ZSWIM5: variants seen among roughly 807,000 people sequenced by gnomAD.
ZSWIM5 encodes zinc finger SWIM domain-containing protein 5.
ZSWIM5 carries 55 observed loss-of-function variants against 119.6 expected under a neutral mutation model. That is an observed-to-expected ratio of 0.46 (90% CI 0.37 to 0.58). The LOEUF is 0.58. Ranked by LOEUF, ZSWIM5 falls within the 20% of genes least tolerant of loss-of-function variation. ZSWIM5 has a pLI of 0.00. For synonymous variants in ZSWIM5, 537 were observed against 606.9 expected, an observed-to-expected ratio of 0.88 and a Z score of 1.69; for missense variants, 1,193 against 1,512.8, an observed-to-expected ratio of 0.79 and a Z score of 3.51.
chr1:45,125,186 T>A (rs1471190653), intron 1 of ZSWIM5, among the ~76,000 whole-genome samples: 1 of 152,178 alleles, frequency 6.6e-6, no homozygotes, highest in Non-Finnish European at 1.5e-5. Flanking sequence ...CATTTCCAGG[T>A]AATGAGGCAA....
At chr1:45,121,544 C>T (rs1453335300) in intron 1 of ZSWIM5, among the ~76,000 whole-genome samples, 2 of 152,058 alleles carry the variant, frequency 1.3e-5, no homozygotes, top group South Asian at 2.1e-4. Flanking sequence ...TTCTTCTTCA[C>T]CCCAAACCTC....
At chr1:45,076,729 A>C (rs992253907) in intron 2 of ZSWIM5, among the ~76,000 whole-genome samples, 33 of 152,022 alleles carry the variant, frequency 2.2e-4, no homozygotes, top group African/African-American at 7.7e-4. Context: ...TCTAAGCCCA[A>C]TAACTCTTAG....
chr1:45,076,529 C>T (rs1226864341), intron 2 of ZSWIM5, among the ~76,000 whole-genome samples: 3 of 152,102 alleles, frequency 2.0e-5, no homozygotes, highest in Non-Finnish European at 4.4e-5. Flanking sequence ...AGGATCCTTT[C>T]TTTATCCTTG....
At chr1:45,191,298 G>A (rs933014432) in intron 1 of ZSWIM5, among the ~76,000 whole-genome samples, 1 of 152,130 alleles carries the variant, frequency 6.6e-6, no homozygotes, top group African/African-American at 2.4e-5. Context: ...AGAAAAGTAT[G>A]ACCTCAGATG....
chr1:45,092,705 T>C (rs1645375778), intron 1 of ZSWIM5, among the ~76,000 whole-genome samples: 1 of 152,236 alleles, frequency 6.6e-6, no homozygotes, highest in Non-Finnish European at 1.5e-5. Flanking sequence ...TAGATGTGGT[T>C]AATATTTACA....
chr1:45,177,622 T>C (rs1044289429), intron 1 of ZSWIM5, among the ~76,000 whole-genome samples: 4 of 152,064 alleles, frequency 2.6e-5, no homozygotes, highest in African/African-American at 7.2e-5. Context: ...TTCGGGGAGA[T>C]TGAGCAATCA....
intron 1 of ZSWIM5, among the ~76,000 whole-genome samples, chr1:45,202,016 G>C (rs1333043611): frequency 6.6e-6 from 1 of 151,934 alleles, no homozygotes; most frequent in African/African-American, 2.4e-5. Flanking sequence ...AGGGTGGAGG[G>C]AGAGAACTCA....
chr1:45,187,566 A>G (rs1223877875), intron 1 of ZSWIM5, among the ~76,000 whole-genome samples: 1 of 152,166 alleles, frequency 6.6e-6, no homozygotes, highest in East Asian at 1.9e-4. Context: ...AAAGAAAGAA[A>G]GAAAGAAAAA....
At chr1:45,185,110 T>C (rs941438521) in intron 1 of ZSWIM5, among the ~76,000 whole-genome samples, 1 of 152,100 alleles carries the variant, frequency 6.6e-6, no homozygotes, top group African/African-American at 2.4e-5. Flanking sequence ...TCTACAACTA[T>C]CTGATCTTTG....
intron 2 of ZSWIM5, among the ~76,000 whole-genome samples, chr1:45,081,601 G>C (rs1439073537): frequency 1.3e-5 from 2 of 152,250 alleles, no homozygotes; most frequent in East Asian, 3.8e-4. Flanking sequence ...ACGGAGTCTG[G>C]TTCACTCAGT....
chr1:45,206,271 C>A lies in ZSWIM5; in HGVS notation c.80G>T (p.Ser27Ile), dbSNP rs138625094. 6.4e-4 allele frequency: 1,006 copies of A among 1,581,648 alleles called. 1 individual carries two copies. Among genetic ancestry groups the A allele is most frequent in the Non-Finnish European group, 6.3e-4 (736 of 1,165,290 alleles). ...SPAKRQCSWP[S>I]PQAHHPRGSP... ...ACCGCGAGGGTGATGAGCCTGCGGGCTGGGCCACGAACACTGCCGCTTAGC... is the reference window on the plus strand; with the variant it reads ...ACCGCGAGGGTGATGAGCCTGCGGGATGGGCCACGAACACTGCCGCTTAGC... Residue 27 changes from serine (S) to isoleucine (I), a missense_variant, in exon 1 of 14, where the codon AGC becomes ATC. This residue lies in a region of ZSWIM5 where 232 missense variants were observed against 222.9 expected (regional missense o/e 1.04). Transcript: ENST00000359600.
At chr1:45,163,589 C>T (rs997523974) in intron 1 of ZSWIM5, among the ~76,000 whole-genome samples, 5 of 152,076 alleles carry the variant, frequency 3.3e-5, no homozygotes, top group East Asian at 3.9e-4. Context: ...AAAGATTGGA[C>T]GAATTGCTAA....
rs202030614 is a variant in ZSWIM5 at position 45,140,468 on chromosome 1, GA to G, written c.596-52232del. Among the ~76,000 whole-genome samples, 200 of 152,114 alleles carry G rather than the reference GA, an allele frequency of 1.3e-3. 4 individuals are homozygous for G. The East Asian group carries it at 0.026, about 20-fold the overall frequency. ...ATATGCCAACAAAGGAGATAAAATG[GA>G]ATCACAAAAGATAATAAAAAAGGAG... On this transcript the variant is annotated intron_variant, in intron 1 of 13. Coordinates refer to ENST00000359600, the MANE Select transcript of ZSWIM5 (RefSeq NM_020883.2).
intron 1 of ZSWIM5, among the ~76,000 whole-genome samples, chr1:45,102,929 C>T (rs1006527835): frequency 2.2e-4 from 33 of 152,052 alleles, no homozygotes; most frequent in Admixed American, 7.9e-4. Context: ...CTGGCATGAT[C>T]ACGGCTCACT....
chr1:45,157,182 T>C (rs779829471), intron 1 of ZSWIM5, among the ~76,000 whole-genome samples: 3 of 152,102 alleles, frequency 2.0e-5, no homozygotes, highest in Non-Finnish European at 4.4e-5. Flanking sequence ...CATATTATTA[T>C]GGTTATGATT....
At chr1:45,124,727 C>T (rs1645610350) in intron 1 of ZSWIM5, among the ~76,000 whole-genome samples, 1 of 151,970 alleles carries the variant, frequency 6.6e-6, no homozygotes, top group Non-Finnish European at 1.5e-5. Context: ...GAGCTCACTT[C>T]AAATATAACA....
At chr1:45,106,093 C>T (rs541383733) in intron 1 of ZSWIM5, among the ~76,000 whole-genome samples, 148 of 141,362 alleles carry the variant, frequency 1.0e-3, no homozygotes, top group African/African-American at 3.6e-3. Context: ...ACGGCCGCCC[C>T]GTCTGGGAGG....
In ZSWIM5 at chr1:45,205,998, C is replaced by G. The variant is rs1369085269; in HGVS notation, c.353G>C (p.Arg118Pro). 3.3e-6 allele frequency: 5 copies of G among 1,534,320 alleles called. No individual in the cohort carries two copies. The highest frequency in any genetic ancestry group is 3.5e-6 in the Non-Finnish European group (4 of 1,141,366). ...EICMYSSFQY[R>P]GGPGAGAAGG... is the part of the protein sequence containing the mutation. ...AGCAGCGCCGGCGCCGGGGCCGCCC[C>G]GGTACTGGAAGCTGGAGTACATGCA... Residue 118 changes from arginine (R) to proline (P), a missense_variant, in exon 1 of 14, where the codon CGG (arginine) becomes CCG (proline). By Grantham distance (103) the Arg-to-Pro change is moderately radical. Coordinates refer to ENST00000359600, the MANE Select transcript of ZSWIM5 (RefSeq NM_020883.2).
chr1:45,143,150 C>T (rs1343854620), intron 1 of ZSWIM5, among the ~76,000 whole-genome samples: 4 of 130,376 alleles, frequency 3.1e-5, no homozygotes, highest in Non-Finnish European at 4.7e-5. Flanking sequence ...CCAGCCTGGG[C>T]GACAGAGTGA....
Sources: allele counts gnomAD v4.1 joint callset (sites outside exome capture counted in the v4.1 genomes callset), GRCh38; gene constraint gnomAD v4.1.1; regional missense constraint gnomAD v4.1.1; transcripts MANE v1.5; gene names NCBI Gene and HGNC (gene_info 2026-07-23, HGNC 2026-07-21).